Variants in ITPK1 observed in about 807,000 individuals in gnomAD.
ITPK1 encodes the protein inositol 1,3,4-trisphosphate 5/6-kinase.
Under a neutral mutation model 45.3 loss-of-function variants are expected in ITPK1, and 21 were observed. The ratio of observed to expected loss-of-function variants is 0.46; its 90% CI spans 0.33 to 0.67. The LOEUF is 0.67. Ranked by LOEUF, ITPK1 falls within the 30% of genes least tolerant of loss-of-function variation. The pLI, the probability that ITPK1 is intolerant of heterozygous loss-of-function variation, is 0.02. For synonymous variants in ITPK1, 258 were observed against 253.6 expected (o/e 1.02, Z -0.16); for missense variants, 474 against 573.5 (o/e 0.83, Z 1.77).
At chr14:92,978,223 T>C (rs900920882) in intron 5 of ITPK1, among the ~76,000 whole-genome samples, 5 of 151,972 alleles carry the variant, frequency 3.3e-5, no homozygotes, top group Non-Finnish European at 7.3e-5. Flanking sequence ...GTTTAGGGTA[T>C]CTGGTGGAAG....
chr14:93,115,007 G>C, intron 2 of ITPK1, 62 bp downstream of exon 2: 1 of 960,074 alleles, frequency 1.0e-6, no homozygotes, highest in Non-Finnish European at 1.5e-6. Flanking sequence ...ACCGGGCTCG[G>C]GCCGGGGGTC....
At chr14:92,955,670 G>A (rs866588211) in intron 8 of ITPK1, among the ~76,000 whole-genome samples, 7 of 152,210 alleles carry the variant, frequency 4.6e-5, no homozygotes, top group African/African-American at 1.4e-4. Context: ...ATGTCAACAC[G>A]TAAAAAACAA....
At chr14:93,112,257 AC>A (rs778153888) in intron 2 of ITPK1, among the ~76,000 whole-genome samples, 2 of 152,056 alleles carry the variant, frequency 1.3e-5, no homozygotes, top group Non-Finnish European at 2.9e-5. Flanking sequence ...AGAGTCCGGA[AC>A]CTGCCCCCTC....
At position 93,039,565 on chromosome 14, in the gene ITPK1, T is replaced by C. The variant is rs185600631; in HGVS notation, c.121-22764A>G. Among the ~76,000 whole-genome samples the C allele has an allele frequency of 1.1e-3, 174 of 152,324 alleles. 2 individuals are homozygous for C. Among genetic ancestry groups the C allele is most frequent in the African/African-American group, 4.0e-3 (165 of 41,574 alleles). ...CTTTACCAGCCCAAGGTGCTTGGTG[T>C]CAGATCCCCAGACTCTGGAATCTTG... On this transcript the variant is annotated intron_variant, in intron 3 of 10. Coordinates refer to ENST00000267615, the MANE Select transcript of ITPK1 (RefSeq NM_014216.6).
At chr14:93,088,611 C>A (rs915770084) in intron 2 of ITPK1, among the ~76,000 whole-genome samples, 31 of 151,926 alleles carry the variant, frequency 2.0e-4, no homozygotes, top group African/African-American at 6.0e-4. Context: ...CTGCCTTGGC[C>A]CCCCAAAGTG....
In ITPK1 at chr14:92,940,343, A is replaced by C; in HGVS notation, c.*1218T>G. 1 of 1,003,034 alleles carries C rather than the reference A, an allele frequency of 1.0e-6. No individual in the cohort carries two copies. The highest frequency in any genetic ancestry group is 1.2e-6 in the Non-Finnish European group (1 of 840,238). The allele number at this position is 1,003,034 out of a possible 1,614,324, so 62.1% of individuals were successfully genotyped here. ...CCAGGACTGCAGAGGCTTCTCCCCA[A>C]CCCTTTTCTCTGCAGAGGGGGCTGC... On this transcript the variant is annotated 3_prime_UTR_variant, in exon 11 of 11. Coordinates refer to ENST00000267615, the MANE Select transcript of ITPK1 (RefSeq NM_014216.6).
chr14:93,015,530 C>T lies in ITPK1; in HGVS notation c.246+1146G>A, dbSNP rs1178381870. ...GGCTCCACGAGGTCACAGAGGAGCC[C>T]GACCATGTTTTTCCCACAGTCTCCA... On this transcript the variant is annotated intron_variant, in intron 4 of 10. Coordinates refer to ENST00000267615, the MANE Select transcript of ITPK1 (RefSeq NM_014216.6). Among the ~76,000 whole-genome samples the T allele has an allele frequency of 8.5e-5, 13 of 152,228 alleles. 1 individual carries two copies. Among genetic ancestry groups the T allele is most frequent in the East Asian group, 3.8e-4 (2 of 5,202 alleles).
intron 5 of ITPK1, among the ~76,000 whole-genome samples, chr14:92,967,037 G>A (rs1434259613): frequency 3.9e-5 from 6 of 152,182 alleles, no homozygotes; most frequent in African/African-American, 1.4e-4. Flanking sequence ...ATTAGGCAAT[G>A]GCTTCTTAGA....
Position 92,939,288 on chromosome 14 carries a change from C to T in ITPK1, c.*2273G>A, listed in dbSNP as rs1032890730. The T allele has an allele frequency of 6.6e-6, 1 of 152,268 alleles. No homozygotes were observed. Among genetic ancestry groups the T allele is most frequent in the African/African-American group, 2.4e-5 (1 of 41,424 alleles). The allele number at this position is 152,268 out of a possible 1,614,324, so 9.4% of individuals were successfully genotyped here. A position where few individuals can be genotyped will look rare whatever the true frequency, so the allele number is the denominator to read the frequency against. Reference sequence around the variant, plus strand: ...ACTCCAAGGCCAGGGACAATGTGACCGAAGGGGAGACAACTCTATGGACAC... The same window carrying T: ...ACTCCAAGGCCAGGGACAATGTGACTGAAGGGGAGACAACTCTATGGACAC... On this transcript the variant is annotated 3_prime_UTR_variant, in exon 11 of 11. Coordinates refer to ENST00000267615, the MANE Select transcript of ITPK1 (RefSeq NM_014216.6).
intron 3 of ITPK1, among the ~76,000 whole-genome samples, chr14:93,028,073 C>A (rs1385639993): frequency 6.6e-6 from 1 of 152,228 alleles, no homozygotes; most frequent in Admixed American, 6.5e-5. Flanking sequence ...TCTCCCACAG[C>A]CACACGCCCA....
intron 3 of ITPK1, among the ~76,000 whole-genome samples, chr14:93,058,617 G>A (rs1032697521): frequency 3.4e-4 from 4 of 11,740 alleles, no homozygotes; most frequent in Non-Finnish European, 5.6e-4. Context: ...GAGGGGGTGC[G>A]GGTCACGAGG....
At chr14:92,948,751 G>A (rs1311449131) in intron 9 of ITPK1, among the ~76,000 whole-genome samples, 1 of 151,360 alleles carries the variant, frequency 6.6e-6, no homozygotes, top group Non-Finnish European at 1.5e-5. Flanking sequence ...TAACCACTGG[G>A]AACTTCCAGG....
At chr14:93,077,326 CT>C (rs927559919) in intron 2 of ITPK1, among the ~76,000 whole-genome samples, 2 of 151,516 alleles carry the variant, frequency 1.3e-5, no homozygotes, top group Non-Finnish European at 2.9e-5. Context: ...TGACCCATTT[CT>C]TTTTTTTTGA....
At position 93,081,715 on chromosome 14, in the gene ITPK1, G is replaced by A. The variant is rs566624580; in HGVS notation, c.96-5096C>T. On this transcript the variant is annotated intron_variant, in intron 2 of 10. Transcript: ENST00000267615. Reference sequence around the variant, plus strand: ...TGCTGAGAAGAGTACTTAGAGAGGAGTAAGGTGAGTCCTGCGCCCTCCCCA... The same window carrying A: ...TGCTGAGAAGAGTACTTAGAGAGGAATAAGGTGAGTCCTGCGCCCTCCCCA... Among the ~76,000 whole-genome samples, 3 of 152,360 alleles carry A rather than the reference G, an allele frequency of 2.0e-5. No individual in the cohort carries two copies. In the South Asian group the frequency reaches 6.2e-4, roughly 32 times the overall value.
At position 93,016,577 on chromosome 14, in the gene ITPK1, G is replaced by T; in HGVS notation, c.246+99C>A. The stretch of plus-strand genomic sequence containing the variant: ...GCCATTTCTCCAGACTATACCTCCA[G>T]AGAGCTGCTACCGCCCTAAATACAC... On this transcript the variant is annotated intron_variant, in intron 4 of 10. Coordinates refer to ENST00000267615, the MANE Select transcript of ITPK1 (RefSeq NM_014216.6). The surrounding 1 kb of genome is among the most constrained non-coding windows in gnomAD (Gnocchi z 5.0). The T allele has an allele frequency of 7.3e-7, 1 of 1,367,886 alleles. No individual in the cohort carries two copies. The allele number at this position is 1,367,886 out of a possible 1,614,324, so 84.7% of individuals were successfully genotyped here. A position where few individuals can be genotyped will look rare whatever the true frequency, so the allele number is the denominator to read the frequency against.
At chr14:92,996,532 G>A (rs1203565011) in intron 4 of ITPK1, among the ~76,000 whole-genome samples, 2 of 151,360 alleles carry the variant, frequency 1.3e-5, no homozygotes, top group East Asian at 3.9e-4. Context: ...GTATACATAG[G>A]TAACAAACCT....
Position 93,012,578 on chromosome 14 carries a change from C to T in ITPK1, c.246+4098G>A, listed in dbSNP as rs534741084. On this transcript the variant is annotated intron_variant, in intron 4 of 10. Coordinates refer to ENST00000267615, the MANE Select transcript of ITPK1 (RefSeq NM_014216.6). This position sits in a 1 kb window ranked among gnomAD's most constrained non-coding sequence, Gnocchi z 4.9. The stretch of plus-strand genomic sequence containing the variant: ...GTGCTGTGATCAGACCTGTGTTTTT[C>T]CTAACTCATCACTTTAGGGGCCGTG... 1.2e-4 allele frequency among the ~76,000 whole-genome samples: 18 copies of T among 152,256 alleles called. No homozygotes were observed. Among genetic ancestry groups the T allele is most frequent in the South Asian group, 8.3e-4 (4 of 4,822 alleles).
intron 8 of ITPK1, among the ~76,000 whole-genome samples, chr14:92,952,717 C>T (rs1023241242): frequency 1.3e-5 from 2 of 152,220 alleles, no homozygotes; most frequent in East Asian, 1.9e-4. Context: ...ACTGGGGACC[C>T]GCAGAGGCAG....
In ITPK1 at chr14:92,939,526, C is replaced by T. The variant is rs548883314; in HGVS notation, c.*2035G>A. On this transcript the variant is annotated 3_prime_UTR_variant, in exon 11 of 11. Transcript: ENST00000267615. The stretch of plus-strand genomic sequence containing the variant: ...CTCCCATGTAGCTCCCAGGCCTTTA[C>T]GAAGCAAATCTCCATCCTCCATCTC... 7.1e-5 allele frequency: 20 copies of T among 280,076 alleles called. No individual in the cohort carries two copies. The highest frequency in any genetic ancestry group is 9.7e-5 in the Non-Finnish European group (18 of 185,190). The allele number at this position is 280,076 out of a possible 1,614,324, so 17.3% of individuals were successfully genotyped here.
Sources: gnomAD v4.1 joint callset for allele counts (sites outside exome capture counted in the v4.1 genomes callset) on GRCh38, gnomAD v4.1.1 for gene constraint, Gnocchi (gnomAD v3.1) non-coding constraint, MANE v1.5 for transcripts, NCBI Gene and HGNC (gene_info 2026-07-23, HGNC 2026-07-21) for gene names.